The following HSD11B1 variants were observed in gnomAD, a reference collection of about 807,000 sequenced individuals.
HSD11B1 encodes the protein 11-beta-hydroxysteroid dehydrogenase 1.
In HSD11B1, 15 loss-of-function variants were observed where a neutral mutation model predicts 22.1. That is an observed-to-expected ratio of 0.68 (90% CI 0.45 to 1.04). The LOEUF is 1.04. Ranked by LOEUF, HSD11B1 falls within the 50% of genes least tolerant of loss-of-function variation. The probability of loss-of-function intolerance (pLI) is 0.00; values close to 1 mark genes in which losing one functional copy is unlikely to be tolerated. For missense variants in HSD11B1, 281 were observed against 357.6 expected (o/e 0.79, Z 1.73); for synonymous variants, 122 against 125.2 (o/e 0.97, Z 0.17).
chr1:209,724,692 T>G (rs953806293), intron 4 of HSD11B1, among the ~76,000 whole-genome samples: 3 of 152,186 alleles, frequency 2.0e-5, no homozygotes, highest in Non-Finnish European at 2.9e-5. Flanking sequence ...TTTCTGAAAC[T>G]TCTAAATATG....
intron 1 of HSD11B1, among the ~76,000 whole-genome samples, chr1:209,699,011 T>C (rs1336849817): frequency 6.6e-6 from 1 of 152,022 alleles, no homozygotes; most frequent in African/African-American, 2.4e-5. Flanking sequence ...TTCCGTTAGC[T>C]AAAAAATAGA....
upstream of HSD11B1, among the ~76,000 whole-genome samples, chr1:209,702,860 C>A (rs1398519379): frequency 4.6e-5 from 7 of 152,232 alleles, no homozygotes; most frequent in Admixed American, 1.3e-4. Context: ...CCTTGTTTCT[C>A]ATCAATGCAT....
intron 4 of HSD11B1, among the ~76,000 whole-genome samples, chr1:209,717,438 T>C (rs564012317): frequency 1.3e-5 from 2 of 152,218 alleles, no homozygotes; most frequent in Non-Finnish European, 1.5e-5. Flanking sequence ...GGAACTCTTA[T>C]ATACTGTTAG....
intron 1 of HSD11B1, among the ~76,000 whole-genome samples, chr1:209,688,141 C>G (rs993342233): frequency 6.6e-6 from 1 of 152,176 alleles, no homozygotes; most frequent in African/African-American, 2.4e-5. Flanking sequence ...TCAGGCCCCT[C>G]CCCAACACAG....
intron 5 of HSD11B1, 74 bp downstream of exon 5, chr1:209,732,653 G>A (rs2077042883): frequency 1.5e-6 from 2 of 1,297,650 alleles, no homozygotes; most frequent in Non-Finnish European, 2.2e-6. Flanking sequence ...GAACATGCAG[G>A]TTTGTTACAT....
rs557602931 is a variant in HSD11B1 at position 209,722,008 on chromosome 1, A to G, written c.518-10428A>G. Among the ~76,000 whole-genome samples the G allele has an allele frequency of 6.6e-5, 10 of 152,306 alleles. No homozygotes were observed. In the South Asian group the frequency reaches 1.9e-3, roughly 28 times the overall value. ...CTGCCCTGAGCGTCGGTGGATATAG[A>G]CACAGGACATTGAGAACTATCTCTT... On this transcript the variant is annotated intron_variant, in intron 4 of 5. Transcript: ENST00000367027.
intron 1 of HSD11B1, among the ~76,000 whole-genome samples, chr1:209,688,460 C>T (rs1378192284): frequency 6.6e-6 from 1 of 152,214 alleles, no homozygotes; most frequent in Admixed American, 6.5e-5. Flanking sequence ...TCCTTGAAAG[C>T]AGACACCACA....
upstream of HSD11B1, among the ~76,000 whole-genome samples, chr1:209,701,737 C>T (rs998729959): frequency 1.3e-5 from 2 of 152,316 alleles, no homozygotes; most frequent in South Asian, 2.1e-4. Flanking sequence ...TCATGATCAA[C>T]GTTTTATGCC....
chr1:209,719,327 T>G (rs902111303), intron 4 of HSD11B1, among the ~76,000 whole-genome samples: 12 of 152,238 alleles, frequency 7.9e-5, no homozygotes, highest in Admixed American at 6.5e-4. Flanking sequence ...TGGTATTGGT[T>G]TGCAATTGGA....
intron 4 of HSD11B1, among the ~76,000 whole-genome samples, chr1:209,731,072 A>C (rs938555057): frequency 6.6e-6 from 1 of 152,236 alleles, no homozygotes; most frequent in South Asian, 2.1e-4. Flanking sequence ...GCTAGAAGGA[A>C]GAGGTTGGGG....
intron 4 of HSD11B1, among the ~76,000 whole-genome samples, chr1:209,727,494 C>T (rs751719986): frequency 6.6e-6 from 1 of 152,132 alleles, no homozygotes; most frequent in Non-Finnish European, 1.5e-5. Flanking sequence ...TAAATTTTGC[C>T]TATTTTGGAC....
At chr1:209,724,668 T>C (rs1015524816) in intron 4 of HSD11B1, among the ~76,000 whole-genome samples, 2 of 152,200 alleles carry the variant, frequency 1.3e-5, no homozygotes, top group Non-Finnish European at 2.9e-5. Flanking sequence ...TAGAGGGATT[T>C]TGCCCTTTTC....
At chr1:209,718,301 G>C (rs1169443041) in intron 4 of HSD11B1, among the ~76,000 whole-genome samples, 1 of 152,092 alleles carries the variant, frequency 6.6e-6, no homozygotes, top group Non-Finnish European at 1.5e-5. Flanking sequence ...ACCCTTACTT[G>C]ATCATTACAT....
intron 4 of HSD11B1, among the ~76,000 whole-genome samples, chr1:209,713,603 A>G (rs2076911960): frequency 6.6e-6 from 1 of 152,170 alleles, no homozygotes; most frequent in Non-Finnish European, 1.5e-5. Context: ...AGGACCTCCC[A>G]CAGATACCAA....
intron 4 of HSD11B1, 138 bp from the exon 5 acceptor site, chr1:209,732,298 T>C (rs1302776833): frequency 2.2e-6 from 2 of 924,242 alleles, no homozygotes; most frequent in Non-Finnish European, 3.4e-6. Flanking sequence ...CACAGCAGTA[T>C]AACTTCCATG....
At chr1:209,690,384 C>T (rs570496967) in intron 1 of HSD11B1, among the ~76,000 whole-genome samples, 8 of 152,098 alleles carry the variant, frequency 5.3e-5, no homozygotes, top group South Asian at 2.1e-4. Context: ...TAAATGAAAG[C>T]GCAATTGGAC....
At chr1:209,719,634 A>C (rs997799912) in intron 4 of HSD11B1, among the ~76,000 whole-genome samples, 7 of 152,290 alleles carry the variant, frequency 4.6e-5, no homozygotes, top group African/African-American at 1.7e-4. Flanking sequence ...TTCAACTCCC[A>C]CTTATGAGTG....
chr1:209,690,411 GA>G (rs1293299371), intron 1 of HSD11B1, among the ~76,000 whole-genome samples: 1 of 152,086 alleles, frequency 6.6e-6, no homozygotes, highest in Non-Finnish European at 1.5e-5. Context: ...AAATTAAAAT[GA>G]AGGGCCAGGA....
upstream of HSD11B1, among the ~76,000 whole-genome samples, chr1:209,702,727 T>A (rs1267399895): frequency 1.3e-5 from 2 of 152,178 alleles, no homozygotes; most frequent in Non-Finnish European, 2.9e-5. Flanking sequence ...TATCAATAGG[T>A]AAAACCTACA....
Sources: gnomAD v4.1 joint callset for allele counts (sites outside exome capture counted in the v4.1 genomes callset) on GRCh38, gnomAD v4.1.1 for gene constraint, MANE v1.5 for transcripts, NCBI Gene and HGNC (gene_info 2026-07-23, HGNC 2026-07-21) for gene names.